SLC12A7: variants seen among roughly 807,000 people sequenced by gnomAD.
The protein encoded by SLC12A7 is solute carrier family 12 member 7.
A neutral mutation model predicts 120.6 loss-of-function variants in SLC12A7; 100 were observed. The ratio of observed to expected loss-of-function variants is 0.83; its 90% confidence interval spans 0.71 to 0.98. SLC12A7 has a LOEUF of 0.98. Ranked by LOEUF, SLC12A7 falls within the 50% of genes least tolerant of loss-of-function variation. SLC12A7 has a pLI of 0.00. For synonymous variants in SLC12A7, 760 were observed against 678.0 expected (o/e 1.12, Z -1.88); for missense variants, 1,373 against 1,548.1 (o/e 0.89, Z 1.90).
In SLC12A7 at chr5:1,081,688, G is replaced by A. The variant is rs748321788; in HGVS notation, c.1186C>T (p.Pro396Ser). 6.2e-7 allele frequency: 1 copy of A among 1,613,096 alleles called. No individual in the cohort carries two copies. Among genetic ancestry groups the A allele is most frequent in the Non-Finnish European group, 8.5e-7 (1 of 1,179,976 alleles). ...CTCTCCTCTGCCACGGGCACCGAGG[G>A]CACACCTTTCTTCTCCACAAACGCC... The part of the protein sequence containing the change: ...AGAFVEKKGV[P>S]SVPVAEESRA... The change falls in exon 9 of 24, where the codon CCC (proline) becomes TCC (serine). Residue 396 changes from proline to serine, a missense_variant. Transcript: ENST00000264930.
chr5:1,095,051 G>GGGGGGCCGGTAGGAGGCA (rs1740981633), intron 1 of SLC12A7, among the ~76,000 whole-genome samples: 2 of 130,288 alleles, frequency 1.5e-5, no homozygotes, highest in African/African-American at 6.5e-5. Context: ...GGTAGGAGGC[G>GGGGGGCCGGTAGGAGGCA]GGGCCGGTAG....
In SLC12A7 at chr5:1,111,851, G is replaced by C; in HGVS notation, c.124+17C>G. On this transcript the variant is annotated intron_variant, in intron 1 of 23. Transcript: ENST00000264930. ...GGGGCGCTCGGCCTTTGTCCGGCCA[G>C]GTGCGGCCGCGCTCACCCGGGCTGG... 1.7e-6 allele frequency: 2 copies of C among 1,205,200 alleles called. No homozygotes were observed. Among genetic ancestry groups the C allele is most frequent in the Non-Finnish European group, 2.1e-6 (2 of 970,506 alleles). The allele number at this position is 1,205,200 out of a possible 1,614,324, so 74.7% of individuals were successfully genotyped here.
the SLC12A7 span, among the ~76,000 whole-genome samples, chr5:1,133,085 T>A: frequency 1.3e-5 from 2 of 152,150 alleles, no homozygotes; most frequent in Admixed American, 6.5e-5. Context: ...ACACAGCTAA[T>A]TTTTGTATTT....
rs148809420 is a variant in SLC12A7, at chr5:1,086,915, G to A, written c.663C>T (p.Ile221=). The stretch of plus-strand genomic sequence containing the variant: ...GCAGCACACTTACCAGAAAAATCTC[G>A]ATGGTCCCCAAAATATACATGGCCC... ...FAGAMYILGT[I]EIFLTYISPG... is the part of the protein sequence containing the mutation. The change falls in exon 6 of 24, where the codon ATC becomes ATT. Residue 221 remains isoleucine (I), a synonymous_variant. Transcript: ENST00000264930. The A allele has an allele frequency of 1.2e-5, 19 of 1,612,678 alleles. No individual in the cohort carries two copies. Among genetic ancestry groups the A allele is most frequent in the Middle Eastern group, 1.6e-4 (1 of 6,062 alleles).
At chr5:1,111,160 T>A (rs1210193432) in intron 1 of SLC12A7, among the ~76,000 whole-genome samples, 1 of 152,024 alleles carries the variant, frequency 6.6e-6, no homozygotes, top group Non-Finnish European at 1.5e-5. Flanking sequence ...TAGAGGGGGC[T>A]GAGATCCGGG....
At chr5:1,081,775 T>C (rs1739153433) in intron 8 of SLC12A7, 31 bp from the exon 9 acceptor site, 1 of 1,598,842 alleles carries the variant, frequency 6.3e-7, no homozygotes, top group East Asian at 2.2e-5. Flanking sequence ...CATGGGTTTC[T>C]GGCACCTTCT....
intron 7 of SLC12A7, among the ~76,000 whole-genome samples, chr5:1,084,162 T>TGGGGACCGGGGACTGGGGACC (rs1554018431): frequency 2.0e-5 from 3 of 151,574 alleles, no homozygotes; most frequent in African/African-American, 7.3e-5. Context: ...GGGATCACAC[T>TGGGGACCGGGGACTGGGGACC]GGGGACCGGG....
the SLC12A7 span, among the ~76,000 whole-genome samples, chr5:1,128,228 G>C: frequency 6.6e-6 from 1 of 152,224 alleles, no homozygotes; most frequent in Non-Finnish European, 1.5e-5. Context: ...GTCCGCTCCA[G>C]CTCCTGTGGG....
chr5:1,077,820 G>A lies in SLC12A7; in HGVS notation c.1629+13C>T, dbSNP rs753610655. 6.4e-6 allele frequency: 10 copies of A among 1,570,976 alleles called. No homozygotes were observed. The highest frequency in any genetic ancestry group is 8.6e-6 in the Non-Finnish European group (10 of 1,159,050). ...ACCTTCCAGGGTCCCCCCGACGAGG[G>A]TGCGGGACTCACCTGCAGGAAGGGG... On this transcript the variant is annotated intron_variant, in intron 12 of 23. Transcript: ENST00000264930.
chr5:1,064,289 G>T, intron 18 of SLC12A7, 37 bp from the exon 19 acceptor site: 1 of 1,588,434 alleles, frequency 6.3e-7, no homozygotes, highest in Non-Finnish European at 8.6e-7. Context: ...GTCATCTGAG[G>T]CCAGGGTGCG....
At chr5:1,052,528 T>C (rs2150770659) in intron 23 of SLC12A7, 77 bp from the exon 24 acceptor site, 6 of 1,201,652 alleles carry the variant, frequency 5.0e-6, no homozygotes, top group Admixed American at 1.7e-5. Flanking sequence ...GAGTGAGGTT[T>C]ATCCTCTCCT....
intron 12 of SLC12A7, 38 bp from the exon 13 acceptor site, chr5:1,076,850 C>G: frequency 7.2e-7 from 1 of 1,387,262 alleles, no homozygotes; most frequent in East Asian, 2.3e-5. Context: ...GCAGATGACA[C>G]CACCCTTTTA....
At chr5:1,107,536 C>T (rs1181307425) in intron 1 of SLC12A7, among the ~76,000 whole-genome samples, 1 of 152,232 alleles carries the variant, frequency 6.6e-6, no homozygotes, top group Non-Finnish European at 1.5e-5. Context: ...CCAGCCACCA[C>T]CTGGCAAGGT....
chr5:1,139,805 A>C, the SLC12A7 span, among the ~76,000 whole-genome samples: 2 of 152,212 alleles, frequency 1.3e-5, no homozygotes, highest in African/African-American at 4.8e-5. Context: ...CCCACTTCCC[A>C]GTCTAGGGCC....
chr5:1,149,785 TTGGGAGGCCAAGG>T, the SLC12A7 span, among the ~76,000 whole-genome samples: 29 of 152,156 alleles, frequency 1.9e-4, 1 homozygote, highest in South Asian at 5.8e-3. Flanking sequence ...TCCCAGCACT[TTGGGAGGCCAAGG>T]TGGGCGGATC....
chr5:1,132,663 C>T, the SLC12A7 span, among the ~76,000 whole-genome samples: 2 of 152,216 alleles, frequency 1.3e-5, no homozygotes, highest in Admixed American at 1.3e-4. Flanking sequence ...TCCCCCTCAG[C>T]TTCCTGAGAT....
At position 1,078,664 on chromosome 5, in the gene SLC12A7, TACAGGCTTTGC is replaced by T. The variant is rs1419262096; in HGVS notation, c.1454+26_1454+36del. On this transcript the variant is annotated intron_variant, in intron 11 of 23. Coordinates refer to ENST00000264930, the MANE Select transcript of SLC12A7 (RefSeq NM_006598.3). ...CATCCTCAGGAAAACCCTTGAAGACTACAGGCTTTGCACGAAAACTGCAGGTGGAAACGTAC... is the reference window on the plus strand; with the variant it reads ...CATCCTCAGGAAAACCCTTGAAGACTACGAAAACTGCAGGTGGAAACGTAC... The T allele has an allele frequency of 1.9e-6, 3 of 1,566,642 alleles. No homozygotes were observed. The African/African-American group carries it at 4.1e-5, about 21-fold the overall frequency.
the SLC12A7 span, among the ~76,000 whole-genome samples, chr5:1,148,901 C>G: frequency 1.3e-5 from 2 of 152,198 alleles, no homozygotes; most frequent in South Asian, 4.1e-4. Context: ...CAGGCCAAAC[C>G]AAAATGGAGT....
chr5:1,131,140 C>G, the SLC12A7 span, among the ~76,000 whole-genome samples: 72 of 152,280 alleles, frequency 4.7e-4, no homozygotes, highest in Non-Finnish European at 6.5e-4. Context: ...CAGGGACACA[C>G]AGGGACTCAC....
Sources: allele counts gnomAD v4.1 joint callset (sites outside exome capture counted in the v4.1 genomes callset), GRCh38; gene constraint gnomAD v4.1.1; transcripts MANE v1.5; gene names NCBI Gene and HGNC (gene_info 2026-07-23, HGNC 2026-07-21).